PRKG1: variants seen among roughly 807,000 people sequenced by gnomAD.
PRKG1 encodes the protein cGMP-dependent protein kinase 1.
A neutral mutation model predicts 88.1 loss-of-function variants in PRKG1; 35 were observed. The ratio of observed to expected loss-of-function variants is 0.40; its 90% CI spans 0.30 to 0.53. The LOEUF is 0.53. Ranked by LOEUF, PRKG1 falls within the 20% of genes least tolerant of loss-of-function variation. PRKG1 has a pLI of 0.59. For synonymous variants in PRKG1, 303 were observed against 292.5 expected, an observed-to-expected ratio of 1.04 and a Z score of -0.37; for missense variants, 540 against 839.8, an observed-to-expected ratio of 0.64 and a Z score of 4.41.
intron 1 of PRKG1, among the ~76,000 whole-genome samples, chr10:51,005,958 A>T (rs1326836211): frequency 6.6e-6 from 1 of 152,082 alleles, no homozygotes; most frequent in African/African-American, 2.4e-5. Flanking sequence ...AGATGTAGAG[A>T]TATGGGTTAG....
At chr10:51,913,702 T>C (rs7073470) in intron 5 of PRKG1, among the ~76,000 whole-genome samples, 104,308 of 152,008 alleles carry the variant, frequency 0.69, 36,085 homozygotes, top group African/African-American at 0.77. Flanking sequence ...TTACTTGACT[T>C]TCTAAGTGTT....
At chr10:51,813,561 T>C (rs562628249) in intron 4 of PRKG1, among the ~76,000 whole-genome samples, 3 of 152,294 alleles carry the variant, frequency 2.0e-5, no homozygotes, top group Admixed American at 6.5e-5. Context: ...ATCATTTCCA[T>C]TTTACAGGTA....
At chr10:51,729,270 T>A (rs1164819589) in intron 3 of PRKG1, among the ~76,000 whole-genome samples, 2 of 152,226 alleles carry the variant, frequency 1.3e-5, no homozygotes, top group Admixed American at 1.3e-4. Context: ...AAAGCTTGGC[T>A]AGAATAGCAT....
intron 5 of PRKG1, among the ~76,000 whole-genome samples, chr10:51,917,048 T>G (rs1479483223): frequency 1.3e-5 from 2 of 152,138 alleles, no homozygotes; most frequent in African/African-American, 4.8e-5. Flanking sequence ...CTGGGCACGG[T>G]GGCTCATGCT....
chr10:51,607,089 C>T (rs1042326241), intron 3 of PRKG1, among the ~76,000 whole-genome samples: 3 of 152,152 alleles, frequency 2.0e-5, no homozygotes, highest in African/African-American at 7.2e-5. Context: ...CGATCTGAAA[C>T]CAATTTTGCC....
intron 2 of PRKG1, among the ~76,000 whole-genome samples, chr10:51,458,152 A>T (rs977646234): frequency 1.3e-5 from 2 of 152,186 alleles, no homozygotes; most frequent in African/African-American, 4.8e-5. Flanking sequence ...AAAAATACAT[A>T]TATCACATCA....
At chr10:51,691,768 G>T (rs1841150805) in intron 3 of PRKG1, among the ~76,000 whole-genome samples, 1 of 152,158 alleles carries the variant, frequency 6.6e-6, no homozygotes, top group African/African-American at 2.4e-5. Context: ...AATATAAGCT[G>T]CTTCTACAGG....
At chr10:51,143,354 T>C (rs1334252104) in intron 1 of PRKG1, among the ~76,000 whole-genome samples, 1 of 152,160 alleles carries the variant, frequency 6.6e-6, no homozygotes, top group African/African-American at 2.4e-5. Flanking sequence ...TGTGTCTGTA[T>C]AACACATTTT....
In PRKG1 at chr10:51,907,558, T is replaced by C; in HGVS notation, c.750T>C (p.Asp250=). Residue 250 remains aspartate (D), a synonymous_variant, in exon 5 of 18, where the codon GAT becomes GAC. Transcript: ENST00000373980. The part of the protein sequence containing the change: ...LPEEILSKLA[D]VLEETHYENG... The stretch of plus-strand genomic sequence containing the variant: ...AAGAGATCCTCAGCAAGCTTGCTGA[T>C]GTCCTTGAAGAGGTAATTGTTTTTA... The C allele has an allele frequency of 6.2e-7, 1 of 1,613,550 alleles. No homozygotes were observed. Among genetic ancestry groups the C allele is most frequent in the Non-Finnish European group, 8.5e-7 (1 of 1,179,562 alleles).
intron 3 of PRKG1, among the ~76,000 whole-genome samples, chr10:51,664,275 C>G (rs1408435767): frequency 6.6e-6 from 1 of 152,122 alleles, no homozygotes; most frequent in Non-Finnish European, 1.5e-5. Flanking sequence ...TAATACAACT[C>G]TTAAGAAGAA....
intron 2 of PRKG1, among the ~76,000 whole-genome samples, chr10:51,210,771 G>A (rs1296601934): frequency 6.6e-6 from 1 of 152,154 alleles, no homozygotes; most frequent in Non-Finnish European, 1.5e-5. Flanking sequence ...CCAGGAAGAA[G>A]TTGAATCTCT....
intron 9 of PRKG1, among the ~76,000 whole-genome samples, chr10:52,206,464 T>C: frequency 6.6e-6 from 1 of 152,214 alleles, no homozygotes; most frequent in Non-Finnish European, 1.5e-5. Flanking sequence ...AGTGCAGTTG[T>C]TTGGAGGTAA....
At chr10:51,994,478 T>C (rs372733399) in intron 5 of PRKG1, among the ~76,000 whole-genome samples, 67 of 152,282 alleles carry the variant, frequency 4.4e-4, no homozygotes, top group African/African-American at 1.6e-3. Flanking sequence ...TAAGAACCCC[T>C]CTGGGCATTT....
At chr10:51,676,908 A>G (rs919658965) in intron 3 of PRKG1, among the ~76,000 whole-genome samples, 1 of 152,210 alleles carries the variant, frequency 6.6e-6, no homozygotes, top group South Asian at 2.1e-4. Flanking sequence ...TACACTTTTT[A>G]TTAAAATATG....
intron 1 of PRKG1, among the ~76,000 whole-genome samples, chr10:51,001,514 CTA>C (rs1842889359): frequency 6.6e-6 from 1 of 152,082 alleles, no homozygotes; most frequent in Non-Finnish European, 1.5e-5. Flanking sequence ...CAAATTAAAA[CTA>C]TGTGTTTTTT....
At chr10:52,141,266 C>T (rs779589795) in intron 8 of PRKG1, among the ~76,000 whole-genome samples, 1 of 152,116 alleles carries the variant, frequency 6.6e-6, no homozygotes, top group Non-Finnish European at 1.5e-5. Flanking sequence ...CCTGAACAAG[C>T]ATGATCTAAC....
intron 2 of PRKG1, among the ~76,000 whole-genome samples, chr10:51,271,636 T>C (rs1441011767): frequency 3.9e-5 from 6 of 152,210 alleles, no homozygotes; most frequent in Non-Finnish European, 5.9e-5. Flanking sequence ...ATTGGGAAAA[T>C]CTGAATATTA....
intron 9 of PRKG1, among the ~76,000 whole-genome samples, chr10:52,165,994 G>A (rs902296377): frequency 3.9e-5 from 6 of 152,178 alleles, no homozygotes; most frequent in Admixed American, 6.5e-5. Context: ...TTTCTACAAA[G>A]ATAATTGTTC....
chr10:51,147,581 A>C (rs983838119), intron 1 of PRKG1, among the ~76,000 whole-genome samples: 2 of 152,216 alleles, frequency 1.3e-5, no homozygotes, highest in African/African-American at 4.8e-5. Flanking sequence ...ATTCAAAGGA[A>C]CTAAATAATC....
Sources: gnomAD v4.1 joint callset for allele counts (sites outside exome capture counted in the v4.1 genomes callset) on GRCh38, gnomAD v4.1.1 for gene constraint, MANE v1.5 for transcripts, NCBI Gene and HGNC (gene_info 2026-07-23, HGNC 2026-07-21) for gene names.